The following HEATR5B variants were observed in gnomAD, a reference collection of about 807,000 sequenced individuals.
HEATR5B encodes HEAT repeat containing 5B.
HEATR5B carries 156 observed loss-of-function variants against 224.1 expected under a neutral mutation model. The observed-to-expected ratio is 0.70, with a 90% CI of 0.61 to 0.80. The LOEUF (loss-of-function observed/expected upper bound fraction) is 0.80. HEATR5B is among the 30% of genes least tolerant of loss of function. HEATR5B has a pLI of 0.00. For missense variants in HEATR5B, 2,323 were observed against 2,535.5 expected, an observed-to-expected ratio of 0.92 and a Z score of 1.80; for synonymous variants, 1,027 against 893.0, an observed-to-expected ratio of 1.15 and a Z score of -2.68.
intron 30 of HEATR5B, among the ~76,000 whole-genome samples, chr2:37,004,198 G>A (rs1412950408): frequency 6.6e-6 from 1 of 151,798 alleles, no homozygotes; most frequent in Non-Finnish European, 1.5e-5. Context: ...TCAAAGAGGG[G>A]GAAAAGACTT....
chr2:37,038,235 G>T (rs180987226), intron 20 of HEATR5B, among the ~76,000 whole-genome samples: 2 of 152,160 alleles, frequency 1.3e-5, no homozygotes, highest in South Asian at 2.1e-4. Context: ...CGCCTCCCAG[G>T]TTCAAGCAAT....
rs60184195 is a variant in HEATR5B at position 37,049,850 on chromosome 2, T to TAAAAAA, written c.2506-13_2506-8dup. 6.4e-5 allele frequency: 64 copies of TAAAAAA among 1,001,568 alleles called. No homozygotes were observed. The highest frequency in any genetic ancestry group is 2.7e-4 in the South Asian group (12 of 43,794). 62.0% of individuals were successfully genotyped at this position (1,001,568 alleles called of 1,614,324 possible). On this transcript the variant is annotated splice_polypyrimidine_tract_variant and splice_region_variant and intron_variant, in intron 17 of 35. Transcript: ENST00000233099. ...TTTTGTTTTCAGCTAAGCCCTACAT[T>TAAAAAA]AAAAAAAAAAAAAAAAAAAAGACAG... is the stretch of plus-strand genomic sequence containing the variant.
chr2:37,001,603 T>C (rs2541004), intron 32 of HEATR5B, among the ~76,000 whole-genome samples: 94,920 of 151,132 alleles, frequency 0.63, 31,012 homozygotes, highest in African/African-American at 0.82. Flanking sequence ...TACACTAACA[T>C]TAACAACAGC....
At chr2:37,004,983 A>G (rs1017065793) in intron 30 of HEATR5B, among the ~76,000 whole-genome samples, 3 of 152,162 alleles carry the variant, frequency 2.0e-5, no homozygotes, top group African/African-American at 4.8e-5. Context: ...CTTCTGAAAT[A>G]TAAAGTTAGT....
chr2:36,986,655 T>A (rs1665965868), intron 35 of HEATR5B, among the ~76,000 whole-genome samples: 1 of 152,160 alleles, frequency 6.6e-6, no homozygotes, highest in African/African-American at 2.4e-5. Flanking sequence ...TCTCGCTCTG[T>A]CACCCAGGCT....
At chr2:37,037,153 T>C (rs1257302342) in intron 21 of HEATR5B, among the ~76,000 whole-genome samples, 1 of 136,698 alleles carries the variant, frequency 7.3e-6, no homozygotes, top group Admixed American at 7.4e-5. Flanking sequence ...GTGATATATA[T>C]ATATATTTTG....
intron 28 of HEATR5B, among the ~76,000 whole-genome samples, chr2:37,007,765 A>G (rs573749794): frequency 1.3e-5 from 2 of 152,354 alleles, no homozygotes; most frequent in Admixed American, 1.3e-4. Context: ...CCTTTTCTGT[A>G]GCTGATGAAC....
chr2:37,026,423 C>T (rs1668778001), intron 24 of HEATR5B, among the ~76,000 whole-genome samples: 1 of 152,150 alleles, frequency 6.6e-6, no homozygotes, highest in Admixed American at 6.5e-5. Context: ...CTAATGCCAC[C>T]AGTCTCTTCT....
At chr2:37,009,734 T>C (rs368723692) in intron 27 of HEATR5B, among the ~76,000 whole-genome samples, 73 of 152,110 alleles carry the variant, frequency 4.8e-4, no homozygotes, top group African/African-American at 1.6e-3. Context: ...CTCAGAGTTT[T>C]TTCTGGCTTC....
chr2:37,058,895 T>G lies in HEATR5B; in HGVS notation c.1942A>C (p.Met648Leu). 1 of 1,592,700 alleles carries G rather than the reference T, an allele frequency of 6.3e-7. No individual in the cohort carries two copies. The highest frequency in any genetic ancestry group is 8.6e-7 in the Non-Finnish European group (1 of 1,162,712). Residue 648 changes from methionine to leucine, a missense_variant, in exon 13 of 36, where the codon ATG becomes CTG. Coordinates refer to ENST00000233099, the MANE Select transcript of HEATR5B (RefSeq NM_019024.3). ...TCTCAATCGCTTACTTACTGTGACA[T>G]CATAGTCATGGCACATTCAATAGGG... ...MTPIECAMTM[M>L]SHIPSVMKAH...
chr2:37,070,687 A>G (rs1671853099), intron 6 of HEATR5B, among the ~76,000 whole-genome samples: 1 of 152,218 alleles, frequency 6.6e-6, no homozygotes, highest in Non-Finnish European at 1.5e-5. Context: ...CACAGCAGAT[A>G]CTACTAACTG....
chr2:36,993,662 A>C (rs1300420815), intron 33 of HEATR5B, among the ~76,000 whole-genome samples: 3 of 152,176 alleles, frequency 2.0e-5, no homozygotes, highest in African/African-American at 4.8e-5. Flanking sequence ...CATAGTGGGG[A>C]AACACGGCAG....
chr2:37,056,490 A>G lies in HEATR5B; in HGVS notation c.2349T>C (p.Ala783=), dbSNP rs1670920540. ...PLPLGVSVID[A]SVALFGVVFP... ...ACACTACACCAAAAAGGGCCACAGA[A>G]GCATCAATGACTGAGACTCCGAGAG... The change falls in exon 16 of 36, where the codon GCT becomes GCC. Residue 783 remains alanine, a synonymous_variant. Transcript: ENST00000233099. 1.9e-6 allele frequency: 3 copies of G among 1,613,212 alleles called. No homozygotes were observed. The highest frequency in any genetic ancestry group is 1.3e-5 in the African/African-American group (1 of 74,974).
intron 32 of HEATR5B, among the ~76,000 whole-genome samples, chr2:37,001,966 C>G (rs1390432282): frequency 6.6e-6 from 1 of 152,214 alleles, no homozygotes; most frequent in Non-Finnish European, 1.5e-5. Context: ...CGCACCTGGC[C>G]TTGAGTTTTT....
At position 37,077,049 on chromosome 2, in the gene HEATR5B, T is replaced by A. The variant is rs191829332; in HGVS notation, c.339-30A>T. ...AAGAAGTGACAACTTCACTAGTCAT[T>A]GTCCAGGTTAATGATACAATTATAC... On this transcript the variant is annotated intron_variant, in intron 3 of 35. Coordinates refer to ENST00000233099, the MANE Select transcript of HEATR5B (RefSeq NM_019024.3). 1.3e-5 allele frequency: 19 copies of A among 1,493,072 alleles called. No homozygotes were observed. In the African/African-American group the frequency reaches 2.2e-4, roughly 17 times the overall value. 92.5% of individuals were successfully genotyped at this position (1,493,072 alleles called of 1,614,324 possible).
intron 14 of HEATR5B, 29 bp from the exon 15 acceptor site, chr2:37,057,509 A>C (rs890745082): frequency 6.6e-7 from 1 of 1,518,786 alleles, no homozygotes; most frequent in African/African-American, 1.4e-5. Flanking sequence ...GATCAGATTA[A>C]AAAGAATAAT....
rs766646478 is a variant in HEATR5B at position 36,990,648 on chromosome 2, C to T, written c.5697G>A (p.Trp1899Ter). 6.3e-7 allele frequency: 1 copy of T among 1,579,474 alleles called. No individual in the cohort carries two copies. The highest frequency in any genetic ancestry group is 1.2e-5 in the South Asian group (1 of 85,834). The change falls in exon 34 of 36, where the codon TGG becomes TGA. Residue 1899 changes from tryptophan (W) to a stop codon, truncating the protein, a stop_gained and splice_region_variant. Transcript: ENST00000233099. LOFTEE classifies it high-confidence loss of function. Reference protein sequence around the residue: ...FKNALNSCDPWVQAKCYQLLL... With the variant: ...FKNALNSCDP The stretch of plus-strand genomic sequence containing the variant: ...TATGTCTGTGTAACGTGTAACTTAC[C>T]CATGGGTCGCATGAATTTAATGCAT...
chr2:37,043,566 C>T (rs993756873), intron 18 of HEATR5B, among the ~76,000 whole-genome samples: 2 of 152,054 alleles, frequency 1.3e-5, no homozygotes, highest in Non-Finnish European at 2.9e-5. Context: ...CTTTATGGTC[C>T]TGATTTGGCT....
At chr2:37,003,399 G>C in intron 31 of HEATR5B, 143 bp downstream of exon 31, 1 of 549,048 alleles carries the variant, frequency 1.8e-6, no homozygotes, top group Non-Finnish European at 3.1e-6. Flanking sequence ...TCACATCATT[G>C]CGCTCCAGCT....
Sources: gnomAD v4.1 joint callset for allele counts (sites outside exome capture counted in the v4.1 genomes callset) on GRCh38, gnomAD v4.1.1 for gene constraint, MANE v1.5 for transcripts, NCBI Gene and HGNC (gene_info 2026-07-23, HGNC 2026-07-21) for gene names.